Variants in SEC23IP observed in about 807,000 individuals in gnomAD.
The protein encoded by SEC23IP is SEC23 interacting protein.
SEC23IP carries 70 observed loss-of-function variants against 113.4 expected under a neutral mutation model. The observed-to-expected ratio is 0.62, with a 90% CI of 0.51 to 0.75. The LOEUF (loss-of-function observed/expected upper bound fraction) is 0.75, where lower values mean the gene tolerates loss of function less well. SEC23IP is among the 30% of genes least tolerant of loss of function. The probability of loss-of-function intolerance (pLI) is 0.00; values close to 1 mark genes in which losing one functional copy is unlikely to be tolerated. For missense variants in SEC23IP, 1,160 were observed against 1,204.9 expected (o/e 0.96, Z 0.55); for synonymous variants, 398 against 421.0 (o/e 0.95, Z 0.67).
At chr10:119,893,046 T>A in intron 1 of SEC23IP, 101 bp downstream of exon 1, 1 of 1,290,188 alleles carries the variant, frequency 7.8e-7, no homozygotes, top group Non-Finnish European at 1.1e-6. Flanking sequence ...CGAGCTACCC[T>A]CTGGATAGCT....
rs112406935 is a variant in SEC23IP, at chr10:119,918,103, C to T, written c.1753+59C>T. The stretch of plus-strand genomic sequence containing the variant: ...ATTTTTGTTGAGTCATAACTGCTTT[C>T]AGTGTAGGTGATATTGTTAGTGCAA... On this transcript the variant is annotated intron_variant, in intron 9 of 18. Coordinates refer to ENST00000369075, the MANE Select transcript of SEC23IP (RefSeq NM_007190.4). 1.5e-4 allele frequency: 200 copies of T among 1,350,384 alleles called. No individual in the cohort carries two copies. The African/African-American group carries it at 2.3e-3, about 15-fold the overall frequency. 83.7% of individuals were successfully genotyped at this position (1,350,384 alleles called of 1,614,324 possible).
In SEC23IP at chr10:119,944,292, T is replaced by G. The variant is rs1166323230; in HGVS notation, c.*3727T>G. On this transcript the variant is annotated 3_prime_UTR_variant, in exon 19 of 19. Coordinates refer to ENST00000369075, the MANE Select transcript of SEC23IP (RefSeq NM_007190.4). Reference sequence around the variant, plus strand: ...AGAAGGTGCCTGCTTCCCCTTTGCCTTTCGTCACAATTGTAAGTTCCCCGA... The same window carrying G: ...AGAAGGTGCCTGCTTCCCCTTTGCCGTTCGTCACAATTGTAAGTTCCCCGA... 1 of 152,250 alleles carries G rather than the reference T, an allele frequency of 6.6e-6. No homozygotes were observed. The highest frequency in any genetic ancestry group is 6.5e-5 in the Admixed American group (1 of 15,288). The allele number at this position is 152,250 out of a possible 1,614,324, so 9.4% of individuals were successfully genotyped here. A position where few individuals can be genotyped will look rare whatever the true frequency, so the allele number is the denominator to read the frequency against.
At chr10:119,904,812 A>G (rs1854610913) in intron 4 of SEC23IP, 1 of 153,376 alleles carries the variant, frequency 6.5e-6, no homozygotes, top group African/African-American at 2.4e-5. Context: ...TCAGTTGCAT[A>G]GATAGGAAAT....
chr10:119,931,308 C>T, intron 15 of SEC23IP, among the ~76,000 whole-genome samples: 1 of 148,190 alleles, frequency 6.7e-6, no homozygotes, highest in Admixed American at 6.8e-5. Context: ...AAAACCACTT[C>T]CTGTTTACAG....
At position 119,909,148 on chromosome 10, in the gene SEC23IP, A is replaced by G; in HGVS notation, c.1191+18A>G. On this transcript the variant is annotated intron_variant, in intron 5 of 18. Transcript: ENST00000369075. The stretch of plus-strand genomic sequence containing the variant: ...ATCCAAAGGTAATGATGGTGTTCAA[A>G]ATTTTAAGGTATTAAGTTCATTTTA... 6.6e-7 allele frequency: 1 copy of G among 1,505,178 alleles called. No individual in the cohort carries two copies. Among genetic ancestry groups the G allele is most frequent in the South Asian group, 1.2e-5 (1 of 83,642 alleles). The allele number at this position is 1,505,178 out of a possible 1,614,324, so 93.2% of individuals were successfully genotyped here. A position where few individuals can be genotyped will look rare whatever the true frequency, so the allele number is the denominator to read the frequency against.
At chr10:119,918,630 T>G (rs181051867) in intron 10 of SEC23IP, 119 bp downstream of exon 10, 2 of 564,858 alleles carry the variant, frequency 3.5e-6, no homozygotes, top group East Asian at 5.4e-5. Context: ...TTGTTTGTTT[T>G]AACTGAGCCT....
intron 3 of SEC23IP, among the ~76,000 whole-genome samples, chr10:119,903,824 A>G (rs1589825245): frequency 6.6e-6 from 1 of 152,266 alleles, no homozygotes; most frequent in African/African-American, 2.4e-5. Context: ...CTTGGGTTCA[A>G]ACTACTATGC....
At chr10:119,937,368 G>A (rs1396979921) in intron 18 of SEC23IP, among the ~76,000 whole-genome samples, 2 of 151,814 alleles carry the variant, frequency 1.3e-5, no homozygotes, top group Non-Finnish European at 2.9e-5. Context: ...GCTCACGCCT[G>A]TAATCCCAGC....
rs1289168123 is a variant in SEC23IP, at chr10:119,942,531, C to T, written c.*1966C>T. On this transcript the variant is annotated 3_prime_UTR_variant, in exon 19 of 19. Transcript: ENST00000369075. ...GCTGAGTGAAGCTTGATCTCTGCCT[C>T]TTCCTCAGGAGCAGCTCATCCCCTG... 2 of 152,184 alleles carry T rather than the reference C, an allele frequency of 1.3e-5. No individual in the cohort carries two copies. Among genetic ancestry groups the T allele is most frequent in the Non-Finnish European group, 2.9e-5 (2 of 68,048 alleles). The allele number at this position is 152,184 out of a possible 1,614,324, so 9.4% of individuals were successfully genotyped here. A position where few individuals can be genotyped will look rare whatever the true frequency, so the allele number is the denominator to read the frequency against.
chr10:119,904,950 A>G (rs1407832395), intron 4 of SEC23IP, among the ~76,000 whole-genome samples: 2 of 152,114 alleles, frequency 1.3e-5, no homozygotes, highest in Non-Finnish European at 2.9e-5. Flanking sequence ...CCTGACCAAC[A>G]TGGCGAAACC....
intron 14 of SEC23IP, 46 bp from the exon 15 acceptor site, chr10:119,930,283 C>A: frequency 8.3e-7 from 1 of 1,209,326 alleles, no homozygotes. Flanking sequence ...CTCAAAACAG[C>A]TTTCATAAAT....
chr10:119,911,957 T>C (rs189662288), intron 5 of SEC23IP, 87 bp from the exon 6 acceptor site: 1 of 1,470,854 alleles, frequency 6.8e-7, no homozygotes, highest in Admixed American at 1.8e-5. Flanking sequence ...TACTCTGAGG[T>C]ATAGCTTATT....
chr10:119,923,999 CTGAG>C (rs1017968673), intron 12 of SEC23IP, among the ~76,000 whole-genome samples: 89 of 152,314 alleles, frequency 5.8e-4, no homozygotes, highest in African/African-American at 2.0e-3. Flanking sequence ...GGAGGTACTT[CTGAG>C]TGAGAAAGCA....
Position 119,933,081 on chromosome 10 carries a change from C to T in SEC23IP, c.2835C>T (p.Gly945=), listed in dbSNP as rs775030192. 1 of 1,613,710 alleles carries T rather than the reference C, an allele frequency of 6.2e-7. No individual in the cohort carries two copies. The highest frequency in any genetic ancestry group is 8.5e-7 in the Non-Finnish European group (1 of 1,179,590). The change falls in exon 17 of 19, where the codon GGC becomes GGT. Residue 945 remains glycine, a synonymous_variant. Transcript: ENST00000369075. ...YLGKVGMLNG[G]RRIDYVLQEK... is the part of the protein sequence containing the mutation. ...GAAAGGTTGGAATGTTAAATGGAGG[C>T]CGCCGAATTGACTACGTTCTCCAAG...
Position 119,920,855 on chromosome 10 carries a change from A to G in SEC23IP, c.2026-34A>G, listed in dbSNP as rs756362889. 5.1e-5 allele frequency: 70 copies of G among 1,377,252 alleles called. No individual in the cohort carries two copies. In the East Asian group the frequency reaches 1.4e-3, roughly 27 times the overall value. 85.3% of individuals were successfully genotyped at this position (1,377,252 alleles called of 1,614,324 possible). ...CTCATTTCAGTTCTTCTATCACTAGATTGATTAATGTGCTTGTCTGTTTCC... is the reference window on the plus strand; with the variant it reads ...CTCATTTCAGTTCTTCTATCACTAGGTTGATTAATGTGCTTGTCTGTTTCC... On this transcript the variant is annotated intron_variant, in intron 11 of 18. Coordinates refer to ENST00000369075, the MANE Select transcript of SEC23IP (RefSeq NM_007190.4).
At chr10:119,916,156 G>A (rs1435042267) in intron 8 of SEC23IP, among the ~76,000 whole-genome samples, 6 of 152,006 alleles carry the variant, frequency 3.9e-5, no homozygotes, top group African/African-American at 1.5e-4. Flanking sequence ...TTTAGACAGG[G>A]GGCTGTCCTT....
intron 7 of SEC23IP, 22 bp from the exon 8 acceptor site, chr10:119,915,726 C>CTG: frequency 8.7e-7 from 1 of 1,156,012 alleles, no homozygotes; most frequent in Non-Finnish European, 1.2e-6. Flanking sequence ...TTTATTTTCT[C>CTG]TTTTTTTTTT....
intron 1 of SEC23IP, among the ~76,000 whole-genome samples, chr10:119,897,801 C>T (rs1589819674): frequency 6.6e-6 from 1 of 151,890 alleles, no homozygotes; most frequent in East Asian, 1.9e-4. Flanking sequence ...AGTTCAAGAC[C>T]AGCCTGGTCA....
At chr10:119,926,006 A>C in intron 12 of SEC23IP, 30 bp from the exon 13 acceptor site, 1 of 1,576,348 alleles carries the variant, frequency 6.3e-7, no homozygotes, top group South Asian at 1.1e-5. Context: ...TTTTCTCATG[A>C]TTATGTTACT....
Sources: gnomAD v4.1 joint callset for allele counts (sites outside exome capture counted in the v4.1 genomes callset) on GRCh38, gnomAD v4.1.1 for gene constraint, MANE v1.5 for transcripts, NCBI Gene and HGNC (gene_info 2026-07-23, HGNC 2026-07-21) for gene names.